The following PLB1 variants were observed in gnomAD, a reference collection of about 807,000 sequenced individuals.
PLB1 encodes the protein phospholipase B1.
PLB1 carries 242 observed loss-of-function variants against 227.4 expected under a neutral mutation model. The ratio of observed to expected loss-of-function variants is 1.06; its 90% CI spans 0.96 to 1.18. The LOEUF is 1.18. PLB1 is among the 50% of genes most tolerant of loss of function. The pLI is 0.00. For synonymous variants in PLB1, 757 were observed against 682.2 expected (o/e 1.11, Z -1.71); for missense variants, 1,858 against 1,816.3 (o/e 1.02, Z -0.42).
chr2:28,584,677 C>G (rs1680609074), intron 25 of PLB1, among the ~76,000 whole-genome samples: 1 of 152,236 alleles, frequency 6.6e-6, no homozygotes, highest in Admixed American at 6.5e-5. Context: ...GTGCCCTGCA[C>G]TCCCCGCCTC....
intron 17 of PLB1, among the ~76,000 whole-genome samples, chr2:28,557,349 G>A (rs372159462): frequency 1.2e-3 from 186 of 152,318 alleles, no homozygotes; most frequent in African/African-American, 4.0e-3. Context: ...GCAAAACATC[G>A]TTCCAATCTT....
At chr2:28,498,595 C>T (rs1169142449) in intron 1 of PLB1, among the ~76,000 whole-genome samples, 1 of 152,174 alleles carries the variant, frequency 6.6e-6, no homozygotes, top group Non-Finnish European at 1.5e-5. Context: ...CCAGTTGTCT[C>T]ACTACCATTT....
At chr2:28,553,852 T>G (rs961887412) in intron 17 of PLB1, among the ~76,000 whole-genome samples, 2 of 152,218 alleles carry the variant, frequency 1.3e-5, no homozygotes, top group Admixed American at 6.5e-5. Context: ...AAAATTAAGT[T>G]TGGGGATGTC....
At chr2:28,496,867 C>G (rs1666512385) in intron 1 of PLB1, among the ~76,000 whole-genome samples, 1 of 152,216 alleles carries the variant, frequency 6.6e-6, no homozygotes, top group African/African-American at 2.4e-5. Context: ...TTCATCTTCT[C>G]CAGATGAGAG....
Position 28,590,057 on chromosome 2 carries a change from A to G in PLB1, c.2069A>G (p.Asn690Ser). ...TTRHKFENKI[N>S]ITCPNQVQPF... ...CGTCATAAGTTTGAAAACAAGATCA[A>G]TATCACATGTCCGAACCAGGTAGAG... Residue 690 changes from asparagine to serine, a missense_variant, in exon 29 of 58, where the codon AAT becomes AGT. Coordinates refer to ENST00000327757, the MANE Select transcript of PLB1 (RefSeq NM_153021.5). 6.2e-7 allele frequency: 1 copy of G among 1,613,250 alleles called. No homozygotes were observed. The highest frequency in any genetic ancestry group is 8.5e-7 in the Non-Finnish European group (1 of 1,179,190).
In PLB1 at chr2:28,601,887, G is replaced by T; in HGVS notation, c.2608-12G>T. Reference sequence around the variant, plus strand: ...CCAGTTCCTCCTTTTCCTCCTTCCTGTCTCTTTCTAGAATCTGTATTCTGC... The same window carrying T: ...CCAGTTCCTCCTTTTCCTCCTTCCTTTCTCTTTCTAGAATCTGTATTCTGC... On this transcript the variant is annotated splice_polypyrimidine_tract_variant and intron_variant, in intron 37 of 57. Transcript: ENST00000327757. 6.3e-7 allele frequency: 1 copy of T among 1,594,094 alleles called. No individual in the cohort carries two copies. Among genetic ancestry groups the T allele is most frequent in the Non-Finnish European group, 8.6e-7 (1 of 1,162,052 alleles).
Position 28,513,073 on chromosome 2 carries a change from C to T in PLB1, c.56-3735C>T, listed in dbSNP as rs1164556533. Among the ~76,000 whole-genome samples, 3 of 152,124 alleles carry T rather than the reference C, an allele frequency of 2.0e-5. No homozygotes were observed. The East Asian group carries it at 5.8e-4, about 29-fold the overall frequency. On this transcript the variant is annotated intron_variant, in intron 1 of 57. Coordinates refer to ENST00000327757, the MANE Select transcript of PLB1 (RefSeq NM_153021.5). ...ATTATGGATTTCCTTCATTTATTTC[C>T]ATATTAGTCCACTGCTTTTCACTAA...
chr2:28,508,037 A>G (rs1370595661), intron 1 of PLB1, among the ~76,000 whole-genome samples: 2 of 152,224 alleles, frequency 1.3e-5, no homozygotes, highest in East Asian at 3.8e-4. Flanking sequence ...ACAGCTGGAA[A>G]TACTGATCTA....
intron 31 of PLB1, among the ~76,000 whole-genome samples, chr2:28,592,413 C>T (rs1313438645): frequency 6.6e-6 from 1 of 152,106 alleles, no homozygotes; most frequent in African/African-American, 2.4e-5. Flanking sequence ...CTCCCTTTCC[C>T]CACTTTTCTT....
In PLB1 at chr2:28,518,534, T is replaced by A. The variant is rs368882829; in HGVS notation, c.184+2T>A. ...GAGTGAATATGCCTTCTAAATCAGG[T>A]ATGTAACCCTTGGCCATGAGCAGGA... On this transcript the variant is annotated splice_donor_variant, in intron 3 of 57. Coordinates refer to ENST00000327757, the MANE Select transcript of PLB1 (RefSeq NM_153021.5). LOFTEE classifies it high-confidence loss of function. 6.2e-7 allele frequency: 1 copy of A among 1,608,388 alleles called. No individual in the cohort carries two copies. Among genetic ancestry groups the A allele is most frequent in the Admixed American group, 1.7e-5 (1 of 60,000 alleles).
rs1679099033 is a variant in PLB1 at position 28,577,143 on chromosome 2, CTG to C, written c.1434-963_1434-962del. 3.3e-5 allele frequency among the ~76,000 whole-genome samples: 5 copies of C among 152,180 alleles called. 1 individual carries two copies. The South Asian group carries it at 1.0e-3, about 31-fold the overall frequency. On this transcript the variant is annotated intron_variant, in intron 21 of 57. Transcript: ENST00000327757. ...CATGCTCATTTCCCAAAGGGAAAAA[CTG>C]AGGATTTGCAGGATCAAGTAGTCGG...
Position 28,581,501 on chromosome 2 carries a change from ATAAAT to A in PLB1, c.1567-566_1567-562del, listed in dbSNP as rs780229811. On this transcript the variant is annotated intron_variant, in intron 23 of 57. Coordinates refer to ENST00000327757, the MANE Select transcript of PLB1 (RefSeq NM_153021.5). Reference sequence around the variant, plus strand: ...TCCACGCAAAAAAATAAATAAATAAATAAATAAATAAATAAATAAATAAATAAATA... The same window carrying A: ...TCCACGCAAAAAAATAAATAAATAAAAAATAAATAAATAAATAAATAAATA... Among the ~76,000 whole-genome samples the A allele has an allele frequency of 7.7e-4, 95 of 123,304 alleles. 1 individual carries two copies. The highest frequency in any genetic ancestry group is 1.5e-3 in the African/African-American group (40 of 27,110). 80.9% of individuals were successfully genotyped at this position (123,304 alleles called of 152,430 possible). A position where few individuals can be genotyped will look rare whatever the true frequency, so the allele number is the denominator to read the frequency against.
In PLB1 at chr2:28,532,268, T is replaced by A. The variant is rs1671119453; in HGVS notation, c.555+74T>A. Reference sequence around the variant, plus strand: ...AGGGAGTGAACTAAACCTGCCTGATTACCCAATCCCCAGCTGTCAGGATGG... The same window carrying A: ...AGGGAGTGAACTAAACCTGCCTGATAACCCAATCCCCAGCTGTCAGGATGG... On this transcript the variant is annotated intron_variant, in intron 9 of 57. Coordinates refer to ENST00000327757, the MANE Select transcript of PLB1 (RefSeq NM_153021.5). 6 of 1,218,454 alleles carry A rather than the reference T, an allele frequency of 4.9e-6. No homozygotes were observed. In the Admixed American group the frequency reaches 1.0e-4, roughly 20 times the overall value. 75.5% of individuals were successfully genotyped at this position (1,218,454 alleles called of 1,614,324 possible). A position where few individuals can be genotyped will look rare whatever the true frequency, so the allele number is the denominator to read the frequency against.
At chr2:28,521,033 A>C (rs529149899) in intron 4 of PLB1, among the ~76,000 whole-genome samples, 5 of 152,238 alleles carry the variant, frequency 3.3e-5, no homozygotes, top group Admixed American at 6.5e-5. Context: ...GTGAAATCAT[A>C]CAGTATTTGT....
At chr2:28,521,467 T>C (rs1669524940) in intron 4 of PLB1, among the ~76,000 whole-genome samples, 1 of 152,164 alleles carries the variant, frequency 6.6e-6, no homozygotes, top group Admixed American at 6.5e-5. Flanking sequence ...TGGTTGTGGT[T>C]GGTTGGTTTT....
At chr2:28,564,864 A>T (rs1401442669) in intron 18 of PLB1, among the ~76,000 whole-genome samples, 1 of 10,644 alleles carries the variant, frequency 9.4e-5, no homozygotes, top group African/African-American at 1.3e-3. Context: ...ACTACATTTT[A>T]AACTGCATAG....
In PLB1 at chr2:28,611,138, CACCCCGGCTGCCTGTCTGCCACA is replaced by C. The variant is rs1345767506; in HGVS notation, c.3130-2888_3130-2866del. Among the ~76,000 whole-genome samples the C allele has an allele frequency of 3.3e-5, 5 of 152,286 alleles. No homozygotes were observed. The East Asian group carries it at 9.7e-4, about 29-fold the overall frequency. On this transcript the variant is annotated intron_variant, in intron 43 of 57. Transcript: ENST00000327757. ...GGGGAGGGGGAGGAAAGCCCTGAGG[CACCCCGGCTGCCTGTCTGCCACA>C]ACCCTGGGCTGTAATTGTTCTTGCC...
rs1303596463 is a variant in PLB1 at position 28,618,325 on chromosome 2, T to C, written c.3257-16T>C. The C allele has an allele frequency of 6.2e-7, 1 of 1,613,858 alleles. No homozygotes were observed. The highest frequency in any genetic ancestry group is 8.5e-7 in the Non-Finnish European group (1 of 1,179,758). ...CCCCCAGCCCCCACAACCACCTCTCTGCTTGTCTCCCCTAGTCCACCAGCT... is the reference window on the plus strand; with the variant it reads ...CCCCCAGCCCCCACAACCACCTCTCCGCTTGTCTCCCCTAGTCCACCAGCT... On this transcript the variant is annotated splice_polypyrimidine_tract_variant and intron_variant, in intron 45 of 57. Transcript: ENST00000327757.
intron 43 of PLB1, 53 bp from the exon 44 acceptor site, chr2:28,613,978 A>G (rs1685834941): frequency 1.4e-6 from 2 of 1,470,160 alleles, no homozygotes; most frequent in Admixed American, 1.7e-5. Context: ...CTCCTTCTCA[A>G]GCAAACTTCA....
Sources: gnomAD v4.1 joint callset for allele counts (sites outside exome capture counted in the v4.1 genomes callset) on GRCh38, gnomAD v4.1.1 for gene constraint, MANE v1.5 for transcripts, NCBI Gene and HGNC (gene_info 2026-07-23, HGNC 2026-07-21) for gene names.